MAP3K20: variants seen among roughly 807,000 people sequenced by gnomAD.
MAP3K20 encodes HCCS-4.
A neutral mutation model predicts 85.7 loss-of-function variants in MAP3K20; 40 were observed. That is an observed-to-expected ratio of 0.47 (90% CI 0.36 to 0.61). MAP3K20 has a LOEUF of 0.61. Ranked by LOEUF, MAP3K20 falls within the 20% of genes least tolerant of loss-of-function variation. MAP3K20 has a pLI of 0.00. For missense variants in MAP3K20, 817 were observed against 961.7 expected (o/e 0.85, Z 1.99); for synonymous variants, 325 against 327.7 (o/e 0.99, Z 0.09).
intron 2 of MAP3K20, among the ~76,000 whole-genome samples, chr2:173,152,853 G>C (rs1177263074): frequency 3.3e-5 from 5 of 152,138 alleles, no homozygotes; most frequent in African/African-American, 1.2e-4. Context: ...AGGCTCCCAA[G>C]AATATAGTGA....
At chr2:173,184,049 T>G (rs1231467741) in intron 4 of MAP3K20, among the ~76,000 whole-genome samples, 1 of 152,232 alleles carries the variant, frequency 6.6e-6, no homozygotes, top group African/African-American at 2.4e-5. Context: ...TAGGGTGGTG[T>G]ACCTGAGACT....
chr2:173,194,204 G>A (rs1690751313), intron 7 of MAP3K20, among the ~76,000 whole-genome samples: 1 of 152,196 alleles, frequency 6.6e-6, no homozygotes, highest in Admixed American at 6.5e-5. Flanking sequence ...ATTCAGAAAA[G>A]TGTACAGATG....
intron 2 of MAP3K20, among the ~76,000 whole-genome samples, chr2:173,136,498 A>G (rs1424640609): frequency 6.6e-6 from 1 of 152,204 alleles, no homozygotes; most frequent in African/African-American, 2.4e-5. Flanking sequence ...GCCTCGACAG[A>G]GAAGGAAAGA....
At chr2:173,212,204 G>C (rs1192267954) in intron 10 of MAP3K20, 9 of 152,162 alleles carry the variant, frequency 5.9e-5, no homozygotes, top group Admixed American at 2.6e-4. Flanking sequence ...ACTTCTGCTG[G>C]TGTGAGAACG....
At chr2:173,265,249 G>A (rs947867646) in intron 19 of MAP3K20, among the ~76,000 whole-genome samples, 2 of 152,216 alleles carry the variant, frequency 1.3e-5, no homozygotes, top group Admixed American at 1.3e-4. Flanking sequence ...AGGCTGGGAG[G>A]ACCACCCAGG....
At chr2:173,166,700 G>T (rs1009867393) in intron 2 of MAP3K20, 5 of 152,104 alleles carry the variant, frequency 3.3e-5, no homozygotes, top group African/African-American at 1.2e-4. Flanking sequence ...AGTGTAAAAA[G>T]ATATACTTTT....
In MAP3K20 at chr2:173,113,788, G is replaced by A. The variant is rs147626892; in HGVS notation, c.159+22598G>A. Among the ~76,000 whole-genome samples, 120 of 152,084 alleles carry A rather than the reference G, an allele frequency of 7.9e-4. No individual in the cohort carries two copies. In the East Asian group the frequency reaches 0.021, roughly 27 times the overall value. On this transcript the variant is annotated intron_variant, in intron 2 of 19. Transcript: ENST00000375213. Reference sequence around the variant, plus strand: ...TATAATTTCAGTTTTAGTTTATTGAGGTTGGTTTTATGGCCTATCATATGG... The same window carrying A: ...TATAATTTCAGTTTTAGTTTATTGAAGTTGGTTTTATGGCCTATCATATGG...
At chr2:173,210,095 T>G (rs575322165) in intron 10 of MAP3K20, 1 of 389,132 alleles carries the variant, frequency 2.6e-6, no homozygotes, top group South Asian at 2.4e-5. Context: ...CTCACGCCTG[T>G]AATCCCAGCT....
At chr2:173,138,822 A>C (rs751768354) in intron 2 of MAP3K20, among the ~76,000 whole-genome samples, 4 of 152,232 alleles carry the variant, frequency 2.6e-5, no homozygotes, top group Non-Finnish European at 4.4e-5. Context: ...TAGCACCAAA[A>C]GGTCATTTTG....
At chr2:173,224,676 C>T (rs1684337752) in intron 11 of MAP3K20, 10 of 985,218 alleles carry the variant, frequency 1.0e-5, no homozygotes, top group East Asian at 1.1e-4. Context: ...ATCATTACCA[C>T]GTGACGTTGG....
At chr2:173,171,235 A>G (rs192480709) in intron 3 of MAP3K20, among the ~76,000 whole-genome samples, 5 of 152,252 alleles carry the variant, frequency 3.3e-5, no homozygotes, top group Admixed American at 6.5e-5. Flanking sequence ...CCCATATACC[A>G]TGTGGCTCCT....
intron 11 of MAP3K20, chr2:173,222,030 T>C: frequency 1.0e-6 from 1 of 972,876 alleles, no homozygotes; most frequent in South Asian, 4.8e-5. Flanking sequence ...TAGTAAGACC[T>C]CGTCTCTACT....
At chr2:173,188,835 T>G (rs1165064395) in intron 5 of MAP3K20, among the ~76,000 whole-genome samples, 2 of 152,210 alleles carry the variant, frequency 1.3e-5, no homozygotes, top group African/African-American at 4.8e-5. Context: ...TAATCTAGGC[T>G]GTAGTAGAAA....
At chr2:173,130,856 C>T (rs2106200207) in intron 2 of MAP3K20, among the ~76,000 whole-genome samples, 1 of 152,286 alleles carries the variant, frequency 6.6e-6, no homozygotes, top group Admixed American at 6.5e-5. Context: ...AAAACAACAA[C>T]TTTAACTGCA....
At chr2:173,101,306 A>C (rs993889504) in intron 2 of MAP3K20, among the ~76,000 whole-genome samples, 1 of 152,234 alleles carries the variant, frequency 6.6e-6, no homozygotes, top group African/African-American at 2.4e-5. Flanking sequence ...TTAGTCTTTA[A>C]AATTTTTAAA....
chr2:173,265,855 T>C (rs1158565087), intron 19 of MAP3K20, among the ~76,000 whole-genome samples, 195 bp from the exon 20 acceptor site: 1 of 152,198 alleles, frequency 6.6e-6, no homozygotes, highest in East Asian at 1.9e-4. Flanking sequence ...TAGCATATAT[T>C]GAATAAGTGT....
At chr2:173,257,501 G>A (rs1685187812) in intron 16 of MAP3K20, among the ~76,000 whole-genome samples, 1 of 152,100 alleles carries the variant, frequency 6.6e-6, no homozygotes, top group Non-Finnish European at 1.5e-5. Flanking sequence ...CATCAATAAT[G>A]TCTTCCTTTG....
chr2:173,220,267 T>C (rs1684204483), intron 11 of MAP3K20, among the ~76,000 whole-genome samples: 1 of 152,194 alleles, frequency 6.6e-6, no homozygotes, highest in African/African-American at 2.4e-5. Flanking sequence ...GAAATAGATA[T>C]GCCCAAACAT....
chr2:173,107,812 G>A (rs1218240789), intron 2 of MAP3K20, among the ~76,000 whole-genome samples: 1 of 152,154 alleles, frequency 6.6e-6, no homozygotes, highest in Non-Finnish European at 1.5e-5. Flanking sequence ...ATCTGGGTAA[G>A]TACAGTGCCT....
Sources: allele counts gnomAD v4.1 joint callset (sites outside exome capture counted in the v4.1 genomes callset), GRCh38; gene constraint gnomAD v4.1.1; transcripts MANE v1.5; gene names NCBI Gene and HGNC (gene_info 2026-07-23, HGNC 2026-07-21).